EBF2: variants seen among roughly 807,000 people sequenced by gnomAD.
EBF2 encodes EBF transcription factor 2, also known as transcription factor COE2.
EBF2 carries 21 observed loss-of-function variants against 72.8 expected under a neutral mutation model. The ratio of observed to expected loss-of-function variants is 0.29; its 90% CI spans 0.20 to 0.42. The LOEUF (loss-of-function observed/expected upper bound fraction) is 0.42. EBF2 is among the 10% of genes least tolerant of loss of function. EBF2 has a pLI of 1.00. For missense variants in EBF2, 637 were observed against 731.2 expected, an observed-to-expected ratio of 0.87 and a Z score of 1.49; for synonymous variants, 299 against 274.2, an observed-to-expected ratio of 1.09 and a Z score of -0.89.
chr8:25,888,158 C>T (rs1802723515), intron 8 of EBF2, among the ~76,000 whole-genome samples, 186 bp from the exon 9 acceptor site: 1 of 152,140 alleles, frequency 6.6e-6, no homozygotes, highest in Non-Finnish European at 1.5e-5. Flanking sequence ...TGTGATATCC[C>T]CCACCACAGA....
intron 6 of EBF2, among the ~76,000 whole-genome samples, chr8:25,989,999 C>A (rs1221703666): frequency 6.6e-6 from 1 of 152,192 alleles, no homozygotes; most frequent in Non-Finnish European, 1.5e-5. Context: ...CTCCTGTCAT[C>A]TCCTCTTCCC....
chr8:25,912,466 G>GCACACACACACACACACACACACACACA (rs141335310), intron 6 of EBF2, among the ~76,000 whole-genome samples: 2 of 136,856 alleles, frequency 1.5e-5, no homozygotes, highest in Admixed American at 1.5e-4. Context: ...TCTAAAAATG[G>GCACACACACACACACACACACACACACA]CACACACACA....
At chr8:26,006,272 A>G (rs1446752569) in intron 6 of EBF2, among the ~76,000 whole-genome samples, 2 of 152,206 alleles carry the variant, frequency 1.3e-5, no homozygotes, top group African/African-American at 2.4e-5. Flanking sequence ...CTGCATGCAC[A>G]TATGTAGGCA....
chr8:25,975,735 A>T (rs1213258238), intron 6 of EBF2, among the ~76,000 whole-genome samples: 1 of 152,164 alleles, frequency 6.6e-6, no homozygotes, highest in Non-Finnish European at 1.5e-5. Context: ...CATTTTAAAA[A>T]GTTTTATTTT....
At position 25,871,961 on chromosome 8, in the gene EBF2, T is replaced by TAA. The variant is rs1291547124; in HGVS notation, c.1010-9166_1010-9165dup. Among the ~76,000 whole-genome samples, 154 of 145,070 alleles carry TAA rather than the reference T, an allele frequency of 1.1e-3. 1 individual carries two copies. Among genetic ancestry groups the TAA allele is most frequent in the African/African-American group, 1.5e-3 (62 of 40,200 alleles). On this transcript the variant is annotated intron_variant, in intron 10 of 15. Coordinates refer to ENST00000520164, the MANE Select transcript of EBF2 (RefSeq NM_022659.4). ...AAAATATCTACTGGGAACCACTCTT[T>TAA]AAAAAAAAAAAAGCTGGCTGGTGCT...
At chr8:25,867,889 T>C (rs1425420136) in intron 10 of EBF2, among the ~76,000 whole-genome samples, 1 of 152,200 alleles carries the variant, frequency 6.6e-6, no homozygotes, top group Non-Finnish European at 1.5e-5. Context: ...GTATTTTTTC[T>C]AGAAAAAATC....
intron 6 of EBF2, among the ~76,000 whole-genome samples, chr8:26,012,549 G>T (rs1007289058): frequency 4.6e-5 from 7 of 152,076 alleles, no homozygotes; most frequent in African/African-American, 1.7e-4. Flanking sequence ...TTTATACCAA[G>T]AGCATTTGCA....
At chr8:25,868,198 G>A (rs1030170727) in intron 10 of EBF2, among the ~76,000 whole-genome samples, 2 of 152,136 alleles carry the variant, frequency 1.3e-5, no homozygotes, top group African/African-American at 4.8e-5. Context: ...AGGTAATTGA[G>A]TACTAAACTG....
intron 6 of EBF2, among the ~76,000 whole-genome samples, chr8:25,939,393 C>T (rs769775054): frequency 2.0e-5 from 3 of 151,948 alleles, no homozygotes; most frequent in South Asian, 2.1e-4. Context: ...TCTCCGTGTG[C>T]GTGTGTATGT....
chr8:25,874,753 A>T (rs1052451998), intron 10 of EBF2, among the ~76,000 whole-genome samples: 7 of 151,770 alleles, frequency 4.6e-5, no homozygotes, highest in Non-Finnish European at 7.4e-5. Flanking sequence ...TAGTGCAATC[A>T]TAGCTCACTG....
chr8:25,957,327 G>A (rs1182772831), intron 6 of EBF2, among the ~76,000 whole-genome samples: 1 of 152,098 alleles, frequency 6.6e-6, no homozygotes, highest in African/African-American at 2.4e-5. Flanking sequence ...ACAAACAAAG[G>A]CTCTAAAATA....
Position 25,973,315 on chromosome 8 carries a change from C to T in EBF2, c.551+59770G>A, listed in dbSNP as rs7015437. ...TTTTAGCTAGATACCTTTCTTTCCC[C>T]TGCCCAGCCTCATTCCCCTAAACAG... is the stretch of plus-strand genomic sequence containing the variant. On this transcript the variant is annotated intron_variant, in intron 6 of 15. Coordinates refer to ENST00000520164, the MANE Select transcript of EBF2 (RefSeq NM_022659.4). Among the ~76,000 whole-genome samples the T allele has an allele frequency of 5.1e-3, 779 of 152,266 alleles. 6 individuals are homozygous for T. The highest frequency in any genetic ancestry group is 0.018 in the African/African-American group (754 of 41,542).
At chr8:25,893,461 A>G (rs1365239073) in intron 7 of EBF2, among the ~76,000 whole-genome samples, 1 of 151,384 alleles carries the variant, frequency 6.6e-6, no homozygotes. Flanking sequence ...TAATTTTTGT[A>G]TTTTTGGGGT....
intron 7 of EBF2, among the ~76,000 whole-genome samples, 158 bp from the exon 8 acceptor site, chr8:25,890,027 A>G (rs1246986045): frequency 6.6e-6 from 1 of 152,200 alleles, no homozygotes; most frequent in Admixed American, 6.5e-5. Flanking sequence ...TTCTGTAATT[A>G]TGTCAAAACT....
intron 14 of EBF2, chr8:25,858,115 C>G: frequency 2.8e-6 from 2 of 709,932 alleles, no homozygotes; most frequent in Middle Eastern, 2.3e-4. Flanking sequence ...CCTTTTCTTT[C>G]CCCAAAAGGC....
intron 6 of EBF2, chr8:26,032,275 G>T (rs1245958938): frequency 1.3e-5 from 2 of 152,180 alleles, no homozygotes; most frequent in African/African-American, 4.8e-5. Context: ...TCCCAACTGA[G>T]AATTCGTTGG....
At chr8:26,005,800 CA>C (rs1435904925) in intron 6 of EBF2, among the ~76,000 whole-genome samples, 21 of 143,212 alleles carry the variant, frequency 1.5e-4, no homozygotes, top group Admixed American at 1.5e-4. Context: ...CACTGCACTC[CA>C]GCATGAGCAA....
chr8:25,845,570 A>G (rs546763876), intron 15 of EBF2, among the ~76,000 whole-genome samples: 1 of 152,266 alleles, frequency 6.6e-6, no homozygotes, highest in Non-Finnish European at 1.5e-5. Flanking sequence ...GAGTAATCTA[A>G]TTCTTTCTCC....
In EBF2 at chr8:25,843,919, T is replaced by C. The variant is rs1467478120; in HGVS notation, c.*690A>G. 3.9e-5 allele frequency: 6 copies of C among 152,194 alleles called. No homozygotes were observed. The highest frequency in any genetic ancestry group is 6.5e-5 in the Admixed American group (1 of 15,272). The allele number at this position is 152,194 out of a possible 1,614,324, so 9.4% of individuals were successfully genotyped here. A position where few individuals can be genotyped will look rare whatever the true frequency, so the allele number is the denominator to read the frequency against. ...TAAAACTTGTTACTACATGTTTGCA[T>C]CATTTTCATTTTACATCAGGAAGAG... On this transcript the variant is annotated 3_prime_UTR_variant, in exon 16 of 16. Transcript: ENST00000520164.
Sources: gnomAD v4.1 joint callset for allele counts (sites outside exome capture counted in the v4.1 genomes callset) on GRCh38, gnomAD v4.1.1 for gene constraint, MANE v1.5 for transcripts, NCBI Gene and HGNC (gene_info 2026-07-23, HGNC 2026-07-21) for gene names.